The following ZMIZ1 variants were observed in gnomAD, a reference collection of about 807,000 sequenced individuals.
ZMIZ1 encodes zinc finger MIZ-type containing 1, also known as zinc finger MIZ domain-containing protein 1.
Under a neutral mutation model 113.9 loss-of-function variants are expected in ZMIZ1, and 17 were observed. That is an observed-to-expected ratio of 0.15 (90% CI 0.10 to 0.22). The LOEUF (loss-of-function observed/expected upper bound fraction) is 0.22, where lower values mean the gene tolerates loss of function less well. Among genes scored for constraint, ZMIZ1 ranks in the 10% least tolerant of loss-of-function variants. The pLI is 1.00. For missense variants in ZMIZ1, 1,059 were observed against 1,477.8 expected (o/e 0.72, Z 4.65); for synonymous variants, 607 against 603.1 (o/e 1.01, Z -0.09).
chr10:79,101,672 C>T (rs1158849858), intron 1 of ZMIZ1, among the ~76,000 whole-genome samples: 1 of 152,176 alleles, frequency 6.6e-6, no homozygotes. Flanking sequence ...GCACCTGCCT[C>T]CATCTGGGTG....
intron 5 of ZMIZ1, among the ~76,000 whole-genome samples, chr10:79,208,095 GAGT>G: frequency 7.3e-6 from 1 of 137,748 alleles, no homozygotes; most frequent in Admixed American, 7.0e-5. Flanking sequence ...GGTGGGGGTG[GAGT>G]GGAGGTGGAT....
Position 79,299,049 on chromosome 10 carries a change from G to T in ZMIZ1, c.1667-1G>T. On this transcript the variant is annotated splice_acceptor_variant, in intron 15 of 24. Coordinates refer to ENST00000334512, the MANE Select transcript of ZMIZ1 (RefSeq NM_020338.4). LOFTEE classifies it high-confidence loss of function. ...TCACCCACCTCCTCTCCTCGCCCCA[G>T]CCAACCACAATGACGAGCTGCGGCT... 1 of 1,607,214 alleles carries T rather than the reference G, an allele frequency of 6.2e-7. No homozygotes were observed.
intron 4 of ZMIZ1, among the ~76,000 whole-genome samples, chr10:79,171,033 C>T (rs990860392): frequency 1.3e-5 from 2 of 152,216 alleles, no homozygotes; most frequent in South Asian, 2.1e-4. Context: ...AAATCAAGAA[C>T]CCCCTCCCAG....
chr10:79,260,634 C>T (rs768428316), intron 7 of ZMIZ1, among the ~76,000 whole-genome samples: 2 of 152,148 alleles, frequency 1.3e-5, no homozygotes, highest in Non-Finnish European at 2.9e-5. Context: ...TTTTATTCGG[C>T]TTCTGTATAT....
At chr10:79,094,144 A>T (rs538050610) in intron 1 of ZMIZ1, among the ~76,000 whole-genome samples, 1 of 152,256 alleles carries the variant, frequency 6.6e-6, no homozygotes, top group South Asian at 2.1e-4. Flanking sequence ...TGAGTAAGAG[A>T]GCGCTGCTGC....
At chr10:79,217,284 G>A (rs1395555162) in intron 7 of ZMIZ1, among the ~76,000 whole-genome samples, 2 of 152,190 alleles carry the variant, frequency 1.3e-5, no homozygotes, top group African/African-American at 2.4e-5. Flanking sequence ...AATTAGCCGG[G>A]TGTGGTGGCG....
intron 8 of ZMIZ1, among the ~76,000 whole-genome samples, chr10:79,279,592 C>T (rs891808262): frequency 2.6e-5 from 4 of 152,232 alleles, no homozygotes; most frequent in Non-Finnish European, 5.9e-5. Context: ...AATCTCGGCA[C>T]TTTGGGAGGC....
At chr10:79,239,606 G>T (rs895531298) in intron 7 of ZMIZ1, among the ~76,000 whole-genome samples, 4 of 152,116 alleles carry the variant, frequency 2.6e-5, no homozygotes, top group African/African-American at 4.8e-5. Context: ...TGGCTTCATT[G>T]TTCTCCCTCT....
intron 2 of ZMIZ1, among the ~76,000 whole-genome samples, chr10:79,119,959 C>A (rs1451978747): frequency 8.3e-6 from 1 of 120,950 alleles, no homozygotes; most frequent in African/African-American, 2.9e-5. Context: ...GGGAAAGGGG[C>A]CTGTCCCACT....
intron 1 of ZMIZ1, among the ~76,000 whole-genome samples, chr10:79,081,464 A>C (rs1432670034): frequency 6.6e-6 from 1 of 152,186 alleles, no homozygotes; most frequent in African/African-American, 2.4e-5. Context: ...CTAGGGGAAG[A>C]AAGTGGTCTG....
rs148303903 is a variant in ZMIZ1 at position 79,312,704 on chromosome 10, G to C, written c.3159G>C (p.Pro1053=). Residue 1053 remains proline (P), a synonymous_variant, in exon 25 of 25, where the codon CCG becomes CCC. Transcript: ENST00000334512. ...LLSYLDPPDL[P]SNSNDDLLSL... ...CTTATCTGGACCCCCCCGACCTGCCGAGCAATAGTAACGATGACCTCCTGT... is the reference window on the plus strand; with the variant it reads ...CTTATCTGGACCCCCCCGACCTGCCCAGCAATAGTAACGATGACCTCCTGT... 3.1e-5 allele frequency: 50 copies of C among 1,614,044 alleles called. No homozygotes were observed. In the African/African-American group the frequency reaches 5.9e-4, roughly 19 times the overall value.
Position 79,080,518 on chromosome 10 carries a change from A to G in ZMIZ1, c.-337+11248A>G, listed in dbSNP as rs1242895705. ...GAGACGGGGTTTTGCCATATTGGCCAGGCTGGTCTCGAACTCCTGACCTCA... is the reference window on the plus strand; with the variant it reads ...GAGACGGGGTTTTGCCATATTGGCCGGGCTGGTCTCGAACTCCTGACCTCA... On this transcript the variant is annotated intron_variant, in intron 1 of 24. Transcript: ENST00000334512. Among the ~76,000 whole-genome samples the G allele has an allele frequency of 3.9e-5, 6 of 152,128 alleles. No homozygotes were observed. In the East Asian group the frequency reaches 1.2e-3, roughly 30 times the overall value.
chr10:79,307,013 C>T (rs1272106452), intron 22 of ZMIZ1, among the ~76,000 whole-genome samples: 1 of 152,220 alleles, frequency 6.6e-6, no homozygotes, highest in Non-Finnish European at 1.5e-5. Flanking sequence ...CTGCAGCTTT[C>T]TTTGTGGGCT....
intron 7 of ZMIZ1, among the ~76,000 whole-genome samples, chr10:79,254,561 C>T (rs1346833580): frequency 6.6e-6 from 1 of 152,262 alleles, no homozygotes; most frequent in African/African-American, 2.4e-5. Context: ...CACTGCTAAG[C>T]AAACTAAAGC....
intron 1 of ZMIZ1, among the ~76,000 whole-genome samples, chr10:79,103,958 C>A (rs925188186): frequency 6.6e-6 from 1 of 152,242 alleles, no homozygotes; most frequent in African/African-American, 2.4e-5. Context: ...CCTGGTGTCA[C>A]TACCAACCTT....
chr10:79,248,876 G>A (rs1167285111), intron 7 of ZMIZ1, among the ~76,000 whole-genome samples: 3 of 152,164 alleles, frequency 2.0e-5, no homozygotes, highest in African/African-American at 4.8e-5. Context: ...CCAGCGGGTA[G>A]TCTCTGGGCT....
chr10:79,191,051 C>CA (rs1847580326), intron 4 of ZMIZ1, among the ~76,000 whole-genome samples: 1 of 152,102 alleles, frequency 6.6e-6, no homozygotes, highest in Non-Finnish European at 1.5e-5. Context: ...TGGGAGAGTG[C>CA]AGTGATTGAT....
At chr10:79,177,598 C>T (rs1310681865) in intron 4 of ZMIZ1, among the ~76,000 whole-genome samples, 11 of 152,214 alleles carry the variant, frequency 7.2e-5, no homozygotes, top group Admixed American at 6.5e-4. Flanking sequence ...CCTCCTGCCC[C>T]GGGATGTCCT....
intron 4 of ZMIZ1, among the ~76,000 whole-genome samples, chr10:79,174,078 G>A (rs1846713471): frequency 6.6e-6 from 1 of 152,244 alleles, no homozygotes; most frequent in African/African-American, 2.4e-5. Context: ...CCCACTTGCT[G>A]GGTGCTTGGA....
Sources: allele counts gnomAD v4.1 joint callset (sites outside exome capture counted in the v4.1 genomes callset), GRCh38; gene constraint gnomAD v4.1.1; transcripts MANE v1.5; gene names NCBI Gene and HGNC (gene_info 2026-07-23, HGNC 2026-07-21).